QSER1: variants seen among roughly 807,000 people sequenced by gnomAD.
QSER1 encodes the protein glutamine and serine-rich protein 1.
In QSER1, 49 loss-of-function variants were observed where a neutral mutation model predicts 158.5. That is an observed-to-expected ratio of 0.31 (90% confidence interval 0.25 to 0.39). The LOEUF (loss-of-function observed/expected upper bound fraction) is 0.39, where lower values mean the gene tolerates loss of function less well. Ranked by LOEUF, QSER1 falls within the 10% of genes least tolerant of loss-of-function variation. The pLI is 1.00. For synonymous variants in QSER1, 650 were observed against 715.5 expected, an observed-to-expected ratio of 0.91 and a Z score of 1.46; for missense variants, 1,754 against 2,010.3, an observed-to-expected ratio of 0.87 and a Z score of 2.44.
intron 9 of QSER1, among the ~76,000 whole-genome samples, chr11:32,967,335 G>A (rs1277630922): frequency 6.6e-6 from 1 of 152,058 alleles, no homozygotes; most frequent in Non-Finnish European, 1.5e-5. Context: ...GGGAGAGGGT[G>A]AGAAAGGGGT....
At chr11:32,964,769 C>A (rs10082572) in intron 8 of QSER1, among the ~76,000 whole-genome samples, 9 of 127,250 alleles carry the variant, frequency 7.1e-5, no homozygotes, top group South Asian at 5.1e-4. Flanking sequence ...CACACACACA[C>A]ACACACACAC....
chr11:32,953,266 T>C (rs954468154), intron 4 of QSER1, among the ~76,000 whole-genome samples: 1 of 151,764 alleles, frequency 6.6e-6, no homozygotes, highest in African/African-American at 2.4e-5. Flanking sequence ...TTTTCCCACA[T>C]GTATTTGGTT....
At chr11:32,974,357 T>C (rs528185413) in intron 11 of QSER1, among the ~76,000 whole-genome samples, 1 of 151,860 alleles carries the variant, frequency 6.6e-6, no homozygotes, top group Admixed American at 6.6e-5. Context: ...GTCCAGGGAA[T>C]TGAGACTGCA....
intron 8 of QSER1, among the ~76,000 whole-genome samples, chr11:32,964,974 C>T (rs953242625): frequency 1.3e-5 from 2 of 151,968 alleles, no homozygotes; most frequent in African/African-American, 4.8e-5. Flanking sequence ...AATCCTCCCA[C>T]CTCAGCCTCC....
At chr11:32,951,125 A>G (rs1373567070) in intron 4 of QSER1, among the ~76,000 whole-genome samples, 3 of 152,086 alleles carry the variant, frequency 2.0e-5, no homozygotes, top group East Asian at 1.9e-4. Flanking sequence ...CATTCATTCC[A>G]CTTTCTTGCT....
chr11:32,946,635 C>T (rs998111513), intron 4 of QSER1, among the ~76,000 whole-genome samples: 9 of 152,232 alleles, frequency 5.9e-5, no homozygotes, highest in Non-Finnish European at 1.2e-4. Context: ...CTCTTCAAAG[C>T]TGTCAGACAG....
rs754733923 is a variant in QSER1, at chr11:32,934,436, T to A, written c.3178T>A (p.Ser1060Thr). 1 of 1,613,884 alleles carries A rather than the reference T, an allele frequency of 6.2e-7. No homozygotes were observed. Among genetic ancestry groups the A allele is most frequent in the Non-Finnish European group, 8.5e-7 (1 of 1,180,010 alleles). Residue 1060 changes from serine to threonine, a missense_variant, in exon 4 of 13, where the codon TCA becomes ACA. Ser to Thr is a moderately conservative substitution (Grantham distance 58). This residue lies in a region of QSER1 where 1,707 missense variants were observed against 1,919.6 expected (regional missense o/e 0.89). Transcript: ENST00000650167. ...TGGAAATCAGGTTACTGTGAACCTT[T>A]CACCAGTACCTGCCCTTCAGTCAAA... ...LNGNQVTVNL[S>T]PVPALQSKMT...
intron 1 of QSER1, among the ~76,000 whole-genome samples, chr11:32,920,366 T>C (rs2133524823): frequency 6.6e-6 from 1 of 152,224 alleles, no homozygotes; most frequent in East Asian, 1.9e-4. Flanking sequence ...CCATATAAAA[T>C]AATTAATTTG....
rs1851519011 is a variant in QSER1, at chr11:32,893,858, C to A, written c.209+524C>A. On this transcript the variant is annotated intron_variant, in intron 1 of 12. Coordinates refer to ENST00000650167, the MANE Select transcript of QSER1 (RefSeq NM_001076786.3). This position sits in a 1 kb window ranked among gnomAD's most constrained non-coding sequence, Gnocchi z 4.7. ...GGAGGGCTGGGCTACGGGAGAATCC[C>A]CGGGGCGCAGGGCAGAAGAGGGGGC... is the stretch of plus-strand genomic sequence containing the variant. Among the ~76,000 whole-genome samples, 1 of 152,156 alleles carries A rather than the reference C, an allele frequency of 6.6e-6. No individual in the cohort carries two copies. Among genetic ancestry groups the A allele is most frequent in the Non-Finnish European group, 1.5e-5 (1 of 68,036 alleles).
intron 8 of QSER1, among the ~76,000 whole-genome samples, chr11:32,958,368 T>G (rs538994575): frequency 6.6e-6 from 1 of 152,070 alleles, no homozygotes; most frequent in Non-Finnish European, 1.5e-5. Context: ...ATCAGATGAT[T>G]ACTAAGAATC....
intron 7 of QSER1, among the ~76,000 whole-genome samples, chr11:32,957,432 C>T (rs1423108847): frequency 3.3e-5 from 5 of 152,126 alleles, no homozygotes; most frequent in Admixed American, 6.6e-5. Flanking sequence ...TGAGCCACCG[C>T]GCCGCATTTG....
chr11:32,925,294 G>T (rs939656885), intron 1 of QSER1, among the ~76,000 whole-genome samples: 13 of 152,026 alleles, frequency 8.6e-5, no homozygotes, highest in African/African-American at 3.1e-4. Flanking sequence ...CTAAAGATTT[G>T]AATAAACTTC....
chr11:32,900,843 T>G (rs1851615617), intron 1 of QSER1, among the ~76,000 whole-genome samples: 1 of 152,254 alleles, frequency 6.6e-6, no homozygotes, highest in Non-Finnish European at 1.5e-5. Context: ...AAAGGCCTTC[T>G]CTGACTGCCC....
intron 7 of QSER1, among the ~76,000 whole-genome samples, chr11:32,956,634 C>CA (rs1004711272): frequency 1.3e-5 from 2 of 152,140 alleles, no homozygotes; most frequent in African/African-American, 4.8e-5. Context: ...CTGTGGTCTG[C>CA]ATGAGAAGCA....
In QSER1 at chr11:32,934,206, T is replaced by C; in HGVS notation, c.2948T>C (p.Ile983Thr). Reference protein sequence around the residue: ...ERNILSNVDDILAATAAACGV... With the variant: ...ERNILSNVDDTLAATAAACGV... Reference sequence around the variant, plus strand: ...AATATTTTATCAAATGTAGATGATATCTTAGCAGCTACAGCAGCAGCTTGT... The same window carrying C: ...AATATTTTATCAAATGTAGATGATACCTTAGCAGCTACAGCAGCAGCTTGT... The change falls in exon 4 of 13, where the codon ATC becomes ACC. Residue 983 changes from isoleucine (I) to threonine (T), a missense_variant. This residue lies in a region of QSER1 where 1,707 missense variants were observed against 1,919.6 expected (regional missense o/e 0.89). Coordinates refer to ENST00000650167, the MANE Select transcript of QSER1 (RefSeq NM_001076786.3). The C allele has an allele frequency of 6.2e-7, 1 of 1,613,946 alleles. No individual in the cohort carries two copies. Among genetic ancestry groups the C allele is most frequent in the East Asian group, 2.2e-5 (1 of 44,876 alleles).
At chr11:32,948,167 A>C (rs1343668966) in intron 4 of QSER1, among the ~76,000 whole-genome samples, 1 of 152,222 alleles carries the variant, frequency 6.6e-6, no homozygotes, top group Admixed American at 6.5e-5. Context: ...ACCAAAACTG[A>C]AATGACAAAC....
At chr11:32,960,402 C>CA (rs1030739510) in intron 8 of QSER1, among the ~76,000 whole-genome samples, 2 of 151,444 alleles carry the variant, frequency 1.3e-5, no homozygotes, top group African/African-American at 2.4e-5. Context: ...ACTAAAAATA[C>CA]AAAAAAATTA....
chr11:32,920,159 G>A (rs1362390358), intron 1 of QSER1, among the ~76,000 whole-genome samples: 2 of 152,068 alleles, frequency 1.3e-5, no homozygotes, highest in South Asian at 4.1e-4. Flanking sequence ...ATTGCTTCTG[G>A]GCTCTGTCCG....
At chr11:32,971,936 G>A (rs539452366) in intron 10 of QSER1, among the ~76,000 whole-genome samples, 4 of 151,824 alleles carry the variant, frequency 2.6e-5, no homozygotes, top group African/African-American at 9.7e-5. Context: ...GGTGTCAGGC[G>A]CCTGTAGTCC....
Sources: allele counts gnomAD v4.1 joint callset (sites outside exome capture counted in the v4.1 genomes callset), GRCh38; gene constraint gnomAD v4.1.1; regional missense constraint gnomAD v4.1.1; non-coding constraint Gnocchi (gnomAD v3.1); transcripts MANE v1.5; gene names NCBI Gene and HGNC (gene_info 2026-07-23, HGNC 2026-07-21).